The following PIBF1 variants were observed in gnomAD, a reference collection of about 807,000 sequenced individuals.
PIBF1 encodes progesterone-induced-blocking factor 1.
A neutral mutation model predicts 112.5 loss-of-function variants in PIBF1; 90 were observed. That is an observed-to-expected ratio of 0.80 (90% confidence interval 0.67 to 0.95). The LOEUF (loss-of-function observed/expected upper bound fraction) is 0.95. Among genes scored for constraint, PIBF1 ranks in the 40% least tolerant of loss-of-function variants. The probability of loss-of-function intolerance (pLI) is 0.00; values close to 1 mark genes in which losing one functional copy is unlikely to be tolerated. For missense variants in PIBF1, 915 were observed against 852.3 expected, an observed-to-expected ratio of 1.07 and a Z score of -0.92; for synonymous variants, 301 against 288.6, an observed-to-expected ratio of 1.04 and a Z score of -0.44.
chr13:72,791,470 C>G (rs1412143340), intron 2 of PIBF1, among the ~76,000 whole-genome samples: 1 of 152,102 alleles, frequency 6.6e-6, no homozygotes, highest in Non-Finnish European at 1.5e-5. Context: ...GCACAGCATA[C>G]TTGGGGGATG....
intron 17 of PIBF1, among the ~76,000 whole-genome samples, chr13:73,015,639 T>C (rs548790351): frequency 2.6e-5 from 4 of 152,314 alleles, no homozygotes; most frequent in African/African-American, 7.2e-5. Flanking sequence ...ATCTTAAGTA[T>C]AGGCTTTGAG....
At chr13:72,837,044 T>C (rs1004956388) in intron 9 of PIBF1, among the ~76,000 whole-genome samples, 6 of 152,166 alleles carry the variant, frequency 3.9e-5, no homozygotes, top group African/African-American at 1.4e-4. Context: ...ATATTTATAA[T>C]CTAGTATTAT....
intron 10 of PIBF1, among the ~76,000 whole-genome samples, chr13:72,854,611 C>T (rs1299457294): frequency 6.6e-6 from 1 of 152,122 alleles, no homozygotes. Context: ...ATATTTTATT[C>T]ACCTGTCAAT....
Position 72,854,151 on chromosome 13 carries a change from G to C in PIBF1, c.1318G>C (p.Asp440His). 1 of 1,588,480 alleles carries C rather than the reference G, an allele frequency of 6.3e-7. No individual in the cohort carries two copies. Among genetic ancestry groups the C allele is most frequent in the East Asian group, 2.2e-5 (1 of 44,726 alleles). Residue 440 changes from aspartate to histidine, a missense_variant, in exon 10 of 18, where the codon GAC becomes CAC. By Grantham distance (81) the Asp-to-His change is moderately conservative. Coordinates refer to ENST00000326291, the MANE Select transcript of PIBF1 (RefSeq NM_006346.4). ...DALEKHDQLL[D>H]RYRELQLSTE... ...TTTAGAAAAACACGATCAGCTCTTA[G>C]ACAGGTAAGCATCATAAAAATAGAA...
intron 5 of PIBF1, among the ~76,000 whole-genome samples, chr13:72,806,734 G>A (rs1022988436): frequency 5.9e-5 from 9 of 152,104 alleles, no homozygotes; most frequent in African/African-American, 4.8e-5. Context: ...AGTATTCCAT[G>A]GTGTATATGT....
intron 12 of PIBF1, among the ~76,000 whole-genome samples, chr13:72,915,080 G>A (rs2041036817): frequency 6.6e-6 from 1 of 152,114 alleles, no homozygotes. Context: ...CATGTACATT[G>A]TGTTAGGTAT....
chr13:72,984,783 T>G (rs953803546), intron 16 of PIBF1, among the ~76,000 whole-genome samples: 1 of 152,206 alleles, frequency 6.6e-6, no homozygotes, highest in African/African-American at 2.4e-5. Flanking sequence ...TTATCTTCTT[T>G]TAAATTATAA....
chr13:72,973,577 G>T lies in PIBF1; in HGVS notation c.1965-14G>T, dbSNP rs535471209. 686 of 1,207,098 alleles carry T rather than the reference G, an allele frequency of 5.7e-4. No homozygotes were observed. Among genetic ancestry groups the T allele is most frequent in the South Asian group, 1.1e-3 (70 of 66,356 alleles). 74.8% of individuals were successfully genotyped at this position (1,207,098 alleles called of 1,614,324 possible). ...AACATAATGACTTTTTAAAACTGGGGTTTTTTTTTTCAGCAACTTAAATAA... is the reference window on the plus strand; with the variant it reads ...AACATAATGACTTTTTAAAACTGGGTTTTTTTTTTTCAGCAACTTAAATAA... On this transcript the variant is annotated splice_polypyrimidine_tract_variant and intron_variant, in intron 15 of 17. Coordinates refer to ENST00000326291, the MANE Select transcript of PIBF1 (RefSeq NM_006346.4).
At chr13:72,836,616 T>C (rs146516218) in intron 9 of PIBF1, among the ~76,000 whole-genome samples, 1 of 152,188 alleles carries the variant, frequency 6.6e-6, no homozygotes, top group Non-Finnish European at 1.5e-5. Context: ...TTATTTAATA[T>C]AGCAGGTTGG....
At chr13:73,015,281 C>T (rs893734227) in intron 17 of PIBF1, among the ~76,000 whole-genome samples, 39 of 152,192 alleles carry the variant, frequency 2.6e-4, no homozygotes, top group African/African-American at 8.7e-4. Flanking sequence ...CATGAGCCAC[C>T]GCGCCCAGCC....
intron 10 of PIBF1, among the ~76,000 whole-genome samples, chr13:72,882,073 A>G (rs959431326): frequency 6.6e-6 from 1 of 152,180 alleles, no homozygotes; most frequent in African/African-American, 2.4e-5. Context: ...ACAGCATGGT[A>G]CCAGCATAAA....
chr13:72,939,770 C>T (rs1329178544), intron 14 of PIBF1, among the ~76,000 whole-genome samples: 1 of 151,994 alleles, frequency 6.6e-6, no homozygotes, highest in East Asian at 1.9e-4. Context: ...GCTGGGTTCA[C>T]CTTTGTTTTT....
At chr13:72,941,866 A>G (rs572210079) in intron 14 of PIBF1, among the ~76,000 whole-genome samples, 1 of 152,322 alleles carries the variant, frequency 6.6e-6, no homozygotes, top group African/African-American at 2.4e-5. Context: ...TGTACCCAGC[A>G]TATACAGAGA....
intron 15 of PIBF1, among the ~76,000 whole-genome samples, chr13:72,972,848 C>T (rs1212068301): frequency 6.6e-6 from 1 of 152,024 alleles, no homozygotes; most frequent in Non-Finnish European, 1.5e-5. Context: ...GACTAAATAC[C>T]TGATTCACTT....
At chr13:72,803,021 T>C (rs763044870) in intron 5 of PIBF1, among the ~76,000 whole-genome samples, 2 of 152,160 alleles carry the variant, frequency 1.3e-5, no homozygotes, top group African/African-American at 4.8e-5. Flanking sequence ...AGACTAAGAA[T>C]TGACATTGTA....
chr13:72,919,088 C>T (rs144804624), intron 13 of PIBF1, among the ~76,000 whole-genome samples: 20 of 152,182 alleles, frequency 1.3e-4, no homozygotes, highest in African/African-American at 4.1e-4. Context: ...TTCATCAGAG[C>T]GTTTGAGAAT....
At chr13:72,872,311 A>C (rs978188742) in intron 10 of PIBF1, among the ~76,000 whole-genome samples, 1 of 152,226 alleles carries the variant, frequency 6.6e-6, no homozygotes, top group African/African-American at 2.4e-5. Context: ...TTGAGATGAT[A>C]GTGATTTCAT....
At chr13:72,991,626 C>T (rs1466871336) in intron 16 of PIBF1, among the ~76,000 whole-genome samples, 1 of 152,020 alleles carries the variant, frequency 6.6e-6, no homozygotes, top group Non-Finnish European at 1.5e-5. Context: ...TGGTGGCTCA[C>T]ACCTGTAATC....
At chr13:72,912,187 G>A (rs928862175) in intron 12 of PIBF1, among the ~76,000 whole-genome samples, 5 of 152,150 alleles carry the variant, frequency 3.3e-5, no homozygotes, top group Admixed American at 6.5e-5. Flanking sequence ...GGTCAGTGAG[G>A]CTGATTTTTG....
Sources: allele counts gnomAD v4.1 joint callset (sites outside exome capture counted in the v4.1 genomes callset), GRCh38; gene constraint gnomAD v4.1.1; transcripts MANE v1.5; gene names NCBI Gene and HGNC (gene_info 2026-07-23, HGNC 2026-07-21).